Variants in ODAD2 observed in about 807,000 individuals in gnomAD.
The protein encoded by ODAD2 is outer dynein arm docking complex subunit 2.
A neutral mutation model predicts 106.8 loss-of-function variants in ODAD2; 89 were observed. The ratio of observed to expected loss-of-function variants is 0.83; its 90% CI spans 0.70 to 0.99. ODAD2 has a LOEUF of 0.99. ODAD2 is among the 50% of genes least tolerant of loss of function. ODAD2 has a pLI of 0.00. For missense variants in ODAD2, 1,168 were observed against 1,238.5 expected (o/e 0.94, Z 0.85); for synonymous variants, 404 against 436.2 (o/e 0.93, Z 0.92).
intron 16 of ODAD2, among the ~76,000 whole-genome samples, chr10:27,912,273 TTTC>T (rs1844062771): frequency 6.6e-6 from 1 of 152,200 alleles, no homozygotes. Flanking sequence ...CCTAAATTAA[TTTC>T]TTGACATTAT....
At chr10:27,885,642 TATATATTATATATA>T (rs1220061476) in intron 17 of ODAD2, among the ~76,000 whole-genome samples, 1,024 of 68,526 alleles carry the variant, frequency 0.015, 50 homozygotes, top group African/African-American at 0.058. Context: ...ATATATATTA[TATATATTATATATA>T]ATATATTATA....
At chr10:27,853,046 G>A (rs190279208) in intron 19 of ODAD2, among the ~76,000 whole-genome samples, 1 of 149,694 alleles carries the variant, frequency 6.7e-6, no homozygotes, top group East Asian at 2.0e-4. Flanking sequence ...TCCCAATAAA[G>A]GCAGAGGTTG....
intron 19 of ODAD2, among the ~76,000 whole-genome samples, chr10:27,859,578 T>C (rs1389840585): frequency 6.6e-6 from 1 of 152,172 alleles, no homozygotes; most frequent in Admixed American, 6.5e-5. Context: ...ACTTTGGGCA[T>C]CTGTTTTAAG....
At chr10:27,917,170 C>T (rs572695933) in intron 16 of ODAD2, among the ~76,000 whole-genome samples, 42 of 152,222 alleles carry the variant, frequency 2.8e-4, no homozygotes, top group South Asian at 1.2e-3. Flanking sequence ...GAACTGAAAT[C>T]ACATATAATA....
At chr10:27,922,345 C>A (rs1844856818) in intron 16 of ODAD2, among the ~76,000 whole-genome samples, 1 of 151,894 alleles carries the variant, frequency 6.6e-6, no homozygotes, top group Non-Finnish European at 1.5e-5. Context: ...GAGCTCCAAA[C>A]TAAGACTATA....
chr10:27,963,315 G>GTGT, intron 9 of ODAD2, among the ~76,000 whole-genome samples: 2 of 152,066 alleles, frequency 1.3e-5, no homozygotes, highest in East Asian at 3.9e-4. Context: ...CCTGTCCCAG[G>GTGT]CACTTTATAT....
At chr10:27,868,486 G>A (rs758672832) in intron 17 of ODAD2, among the ~76,000 whole-genome samples, 4 of 152,146 alleles carry the variant, frequency 2.6e-5, no homozygotes, top group Non-Finnish European at 5.9e-5. Flanking sequence ...ATACACCATG[G>A]AGTATTATGC....
intron 16 of ODAD2, among the ~76,000 whole-genome samples, chr10:27,916,462 A>G (rs1207060912): frequency 4.6e-5 from 7 of 152,122 alleles, no homozygotes; most frequent in African/African-American, 1.7e-4. Flanking sequence ...GAAGAGAATT[A>G]TAAATACAGT....
intron 19 of ODAD2, among the ~76,000 whole-genome samples, chr10:27,826,253 A>C (rs753689063): frequency 6.6e-5 from 10 of 152,076 alleles, no homozygotes; most frequent in Non-Finnish European, 1.2e-4. Context: ...TCTGTTCTCT[A>C]TCATTCTTCT....
chr10:27,933,765 G>T (rs1845766585), intron 16 of ODAD2, among the ~76,000 whole-genome samples: 1 of 152,142 alleles, frequency 6.6e-6, no homozygotes, highest in African/African-American at 2.4e-5. Flanking sequence ...ATTAGAAAAT[G>T]GTTTTACAAG....
At position 27,981,514 on chromosome 10, in the gene ODAD2, T is replaced by C. The variant is rs760910355; in HGVS notation, c.888A>G (p.Thr296=). ...ATTTTGGTGATTTTTCTCTTAAAAA[T>C]GTGACAAGGTTTTTATAAATTGAAC... ...RKGSIYKNLV[T]FLREKSPKFS... Residue 296 remains threonine (T), a synonymous_variant, in exon 7 of 20, where the codon ACA becomes ACG. Transcript: ENST00000305242. 2 of 1,535,262 alleles carry C rather than the reference T, an allele frequency of 1.3e-6. No homozygotes were observed. The highest frequency in any genetic ancestry group is 1.7e-6 in the Non-Finnish European group (2 of 1,153,348).
intron 17 of ODAD2, among the ~76,000 whole-genome samples, chr10:27,864,244 G>A (rs1174737895): frequency 6.6e-6 from 1 of 151,234 alleles, no homozygotes; most frequent in Non-Finnish European, 1.5e-5. Context: ...CACGTCTCTG[G>A]CTCAACTTAG....
At chr10:27,912,995 G>A (rs1844114563) in intron 16 of ODAD2, among the ~76,000 whole-genome samples, 1 of 152,160 alleles carries the variant, frequency 6.6e-6, no homozygotes, top group Non-Finnish European at 1.5e-5. Flanking sequence ...CTTGGGATAA[G>A]TATGTCAGAA....
intron 19 of ODAD2, among the ~76,000 whole-genome samples, chr10:27,818,128 T>C (rs1931888): frequency 0.79 from 118,362 of 150,664 alleles, 46,831 homozygotes; most frequent in Non-Finnish European, 0.83. Context: ...TGGATGCCAA[T>C]GGATCCTGAT....
At chr10:27,851,225 T>G (rs1339561241) in intron 19 of ODAD2, among the ~76,000 whole-genome samples, 7 of 152,124 alleles carry the variant, frequency 4.6e-5, no homozygotes, top group Non-Finnish European at 2.9e-5. Flanking sequence ...GCCAGAGGTC[T>G]TGCCTCAGTA....
chr10:27,847,865 G>A (rs535630866), intron 19 of ODAD2, among the ~76,000 whole-genome samples: 2 of 152,118 alleles, frequency 1.3e-5, no homozygotes, highest in Non-Finnish European at 2.9e-5. Flanking sequence ...AACTTACAAG[G>A]GATGTGAAGG....
intron 17 of ODAD2, among the ~76,000 whole-genome samples, chr10:27,877,624 A>T (rs1219182428): frequency 6.6e-6 from 1 of 152,188 alleles, no homozygotes; most frequent in Non-Finnish European, 1.5e-5. Flanking sequence ...GGATGGAAAA[A>T]GTAATTATTC....
chr10:27,957,870 A>T (rs1847843772), intron 10 of ODAD2, among the ~76,000 whole-genome samples: 1 of 152,080 alleles, frequency 6.6e-6, no homozygotes, highest in Non-Finnish European at 1.5e-5. Context: ...CAGAGACATC[A>T]CTCTACTTGG....
intron 19 of ODAD2, among the ~76,000 whole-genome samples, chr10:27,830,198 C>A (rs547146216): frequency 6.6e-6 from 1 of 152,200 alleles, no homozygotes; most frequent in Admixed American, 6.5e-5. Flanking sequence ...GGTCTCCTCA[C>A]CTCCTGGTTT....
Sources: gnomAD v4.1 joint callset for allele counts (sites outside exome capture counted in the v4.1 genomes callset) on GRCh38, gnomAD v4.1.1 for gene constraint, MANE v1.5 for transcripts, NCBI Gene and HGNC (gene_info 2026-07-23, HGNC 2026-07-21) for gene names.